ZBTB7C: variants seen among roughly 807,000 people sequenced by gnomAD.
ZBTB7C encodes zinc finger and BTB domain containing 7C.
In ZBTB7C, 8 loss-of-function variants were observed where a neutral mutation model predicts 25.7. That is an observed-to-expected ratio of 0.31 (90% CI 0.18 to 0.56). The LOEUF (loss-of-function observed/expected upper bound fraction) is 0.56. Among genes scored for constraint, ZBTB7C ranks in the 20% least tolerant of loss-of-function variants. The pLI is 0.91. For synonymous variants in ZBTB7C, 394 were observed against 369.0 expected, an observed-to-expected ratio of 1.07 and a Z score of -0.78; for missense variants, 824 against 855.2, an observed-to-expected ratio of 0.96 and a Z score of 0.46.
At chr18:48,058,132 T>C (rs533906546) in intron 3 of ZBTB7C, among the ~76,000 whole-genome samples, 1 of 152,358 alleles carries the variant, frequency 6.6e-6, no homozygotes, top group East Asian at 1.9e-4. Flanking sequence ...CAAATGATGA[T>C]AATCACAATA....
At chr18:48,237,713 A>G (rs2043419085) in intron 2 of ZBTB7C, among the ~76,000 whole-genome samples, 1 of 152,214 alleles carries the variant, frequency 6.6e-6, no homozygotes, top group East Asian at 1.9e-4. Context: ...GGCATACCCT[A>G]TGATAGATAA....
chr18:48,225,311 G>T (rs1179590694), intron 2 of ZBTB7C, among the ~76,000 whole-genome samples: 1 of 151,770 alleles, frequency 6.6e-6, no homozygotes, highest in Admixed American at 6.6e-5. Context: ...CGAAAAGGGA[G>T]AGGGAGAGGG....
chr18:48,108,141 A>G (rs888016307), intron 3 of ZBTB7C, among the ~76,000 whole-genome samples: 1 of 152,158 alleles, frequency 6.6e-6, no homozygotes, highest in African/African-American at 2.4e-5. Flanking sequence ...AGGCTCGTCT[A>G]TTCTAATGGC....
chr18:48,313,711 A>T (rs1479691256), intron 2 of ZBTB7C, among the ~76,000 whole-genome samples: 1 of 152,212 alleles, frequency 6.6e-6, no homozygotes. Context: ...CAGAAGCCAC[A>T]GAATACAGAT....
chr18:48,221,136 C>A (rs1313065452), intron 2 of ZBTB7C, among the ~76,000 whole-genome samples: 1 of 151,266 alleles, frequency 6.6e-6, no homozygotes. Flanking sequence ...CTATACTGTC[C>A]TATTCTCCTC....
chr18:48,338,068 C>CTTT (rs2046496892), intron 2 of ZBTB7C, 106 bp downstream of exon 2: 1 of 152,160 alleles, frequency 6.6e-6, no homozygotes, highest in Non-Finnish European at 1.5e-5. Context: ...GCTTTGTTTG[C>CTTT]ATAGTTATCT....
chr18:48,351,929 C>T (rs9960516), intron 1 of ZBTB7C, among the ~76,000 whole-genome samples: 39,204 of 151,998 alleles, frequency 0.26, 5,860 homozygotes, highest in African/African-American at 0.42. Context: ...TAAGTCCCAG[C>T]AGGTGAACCT....
At chr18:48,320,867 T>G (rs2046074684) in intron 2 of ZBTB7C, among the ~76,000 whole-genome samples, 1 of 152,202 alleles carries the variant, frequency 6.6e-6, no homozygotes, top group African/African-American at 2.4e-5. Flanking sequence ...TGACCATCTG[T>G]GCGGCCAGGG....
chr18:48,386,258 A>G (rs72921513), intron 1 of ZBTB7C, among the ~76,000 whole-genome samples: 12,568 of 152,240 alleles, frequency 0.083, 616 homozygotes, highest in Non-Finnish European at 0.11. Flanking sequence ...AACCATCACT[A>G]ATAGCAAGAA....
intron 3 of ZBTB7C, among the ~76,000 whole-genome samples, chr18:48,120,655 G>GTAGCAC (rs1443988274): frequency 3.3e-5 from 5 of 152,166 alleles, no homozygotes; most frequent in Admixed American, 6.6e-5. Context: ...AGGGATATGT[G>GTAGCAC]TAGGAACTAG....
chr18:48,029,420 T>C lies in ZBTB7C; in HGVS notation c.1700A>G (p.Glu567Gly), dbSNP rs1039371136. ...GGCCAGGAGGCCCCCCGCGTTCCTC[T>C]CAGCCTCCAGCTGCGCGCGCCCGAA... ...KLFGRAQLEAERNAGGLLAFA... is the reference protein window; with the variant it reads ...KLFGRAQLEAGRNAGGLLAFA... Residue 567 changes from glutamate (E) to glycine (G), a missense_variant, in exon 5 of 5, where the codon GAG becomes GGG. Glu to Gly is a moderately conservative substitution (Grantham distance 98). Around this residue, in one of 4 missense-constraint regions of ZBTB7C, gnomAD observed 342 missense variants for 307.0 expected, o/e 1.11. Transcript: ENST00000590800. The C allele has an allele frequency of 6.3e-7, 1 of 1,583,564 alleles. No individual in the cohort carries two copies. The highest frequency in any genetic ancestry group is 1.7e-5 in the Admixed American group (1 of 57,974).
chr18:48,231,769 T>G (rs746586649), intron 2 of ZBTB7C, among the ~76,000 whole-genome samples: 8 of 152,184 alleles, frequency 5.3e-5, no homozygotes, highest in Non-Finnish European at 1.0e-4. Context: ...GCTGCGGCCC[T>G]TTGGGAAGCC....
chr18:48,304,738 A>G (rs9945296), intron 2 of ZBTB7C, among the ~76,000 whole-genome samples: 26,756 of 151,030 alleles, frequency 0.18, 2,443 homozygotes, highest in African/African-American at 0.2. Context: ...CTGCTCAGGA[A>G]GCTGAGGAAG....
chr18:48,192,841 GTAA>G (rs2042228234), intron 2 of ZBTB7C, among the ~76,000 whole-genome samples: 1 of 152,212 alleles, frequency 6.6e-6, no homozygotes. Context: ...ATGCCAGATG[GTAA>G]TAATAGGAGA....
At chr18:48,331,565 C>T (rs1024971286) in intron 2 of ZBTB7C, among the ~76,000 whole-genome samples, 5 of 152,206 alleles carry the variant, frequency 3.3e-5, no homozygotes, top group African/African-American at 1.2e-4. Context: ...ATTACGATAG[C>T]CCATCCCCGT....
At chr18:48,180,107 C>CTCCCT (rs1568282751) in intron 3 of ZBTB7C, among the ~76,000 whole-genome samples, 2 of 109,456 alleles carry the variant, frequency 1.8e-5, no homozygotes, top group African/African-American at 7.8e-5. Context: ...CCTTTCCTTC[C>CTCCCT]TTCCTTTCCT....
chr18:48,185,382 A>G, intron 3 of ZBTB7C: 1 of 417,580 alleles, frequency 2.4e-6, no homozygotes, highest in South Asian at 1.8e-5. Context: ...ACTGGACTGA[A>G]AGCTCCTCCA....
intron 3 of ZBTB7C, among the ~76,000 whole-genome samples, chr18:48,125,301 T>C (rs1426333291): frequency 6.6e-6 from 1 of 152,134 alleles, no homozygotes; most frequent in African/African-American, 2.4e-5. Flanking sequence ...CTTCCTGCTG[T>C]GGAAGCCGTG....
rs555210851 is a variant in ZBTB7C at position 48,083,840 on chromosome 18, T to G, written c.-16-42717A>C. The G allele has an allele frequency of 2.3e-5, 23 of 985,434 alleles. No individual in the cohort carries two copies. The African/African-American group carries it at 3.8e-4, about 16-fold the overall frequency. 61.0% of individuals were successfully genotyped at this position (985,434 alleles called of 1,614,324 possible). A position where few individuals can be genotyped will look rare whatever the true frequency, so the allele number is the denominator to read the frequency against. ...AGGGCCTTATTTTAGCAACCCATAT[T>G]AGGAACTTACTTTCCCCTCCTATCT... On this transcript the variant is annotated intron_variant, in intron 3 of 4. Transcript: ENST00000590800.
Sources: gnomAD v4.1 joint callset for allele counts (sites outside exome capture counted in the v4.1 genomes callset) on GRCh38, gnomAD v4.1.1 for gene constraint, gnomAD v4.1.1 regional missense constraint, MANE v1.5 for transcripts, NCBI Gene and HGNC (gene_info 2026-07-23, HGNC 2026-07-21) for gene names.